The following MEI1 variants were observed in gnomAD, a reference collection of about 807,000 sequenced individuals.
MEI1 encodes the protein meiotic double-stranded break formation protein 1.
In MEI1, 103 loss-of-function variants were observed where a neutral mutation model predicts 146.2. The ratio of observed to expected loss-of-function variants is 0.70; its 90% CI spans 0.60 to 0.83. MEI1 has a LOEUF of 0.83. Ranked by LOEUF, MEI1 falls within the 40% of genes least tolerant of loss-of-function variation. The probability of loss-of-function intolerance (pLI) is 0.00; values close to 1 mark genes in which losing one functional copy is unlikely to be tolerated. For synonymous variants in MEI1, 652 were observed against 628.2 expected (o/e 1.04, Z -0.57); for missense variants, 1,529 against 1,533.0 (o/e 1.00, Z 0.04).
rs370164963 is a variant in MEI1, at chr22:41,795,895, G to A, written c.3779+48G>A. On this transcript the variant is annotated intron_variant, in intron 30 of 30. Coordinates refer to ENST00000401548, the MANE Select transcript of MEI1 (RefSeq NM_152513.4). The surrounding 1 kb of genome is among the most constrained non-coding windows in gnomAD (Gnocchi z 4.2). The stretch of plus-strand genomic sequence containing the variant: ...TGAAGGAGATGCCAAATCACTGGGT[G>A]TTTGGGGCTTCTCTTCCTGGGCCAG... 71 of 1,612,478 alleles carry A rather than the reference G, an allele frequency of 4.4e-5. No individual in the cohort carries two copies. Among genetic ancestry groups the A allele is most frequent in the Non-Finnish European group, 5.8e-5 (68 of 1,179,128 alleles).
chr22:41,797,011 T>A (rs2076386371), intron 30 of MEI1, among the ~76,000 whole-genome samples: 1 of 152,188 alleles, frequency 6.6e-6, no homozygotes, highest in African/African-American at 2.4e-5. Context: ...TTATTTATTT[T>A]TTTTAAGACA....
chr22:41,746,802 T>A (rs1370359278), intron 14 of MEI1, among the ~76,000 whole-genome samples: 1 of 152,096 alleles, frequency 6.6e-6, no homozygotes, highest in Non-Finnish European at 1.5e-5. Flanking sequence ...CTCTCTTCCT[T>A]GAAGAAGCCA....
chr22:41,751,515 C>T (rs1470019853), intron 15 of MEI1, among the ~76,000 whole-genome samples: 4 of 152,206 alleles, frequency 2.6e-5, no homozygotes, highest in African/African-American at 4.8e-5. Flanking sequence ...TGCAGTGGCT[C>T]ACGCCTGTAA....
In MEI1 at chr22:41,769,406, A is replaced by G. The variant is rs537565607; in HGVS notation, c.2269-1280A>G. Among the ~76,000 whole-genome samples the G allele has an allele frequency of 5.9e-5, 9 of 152,354 alleles. No homozygotes were observed. In the East Asian group the frequency reaches 1.7e-3, roughly 29 times the overall value. On this transcript the variant is annotated intron_variant, in intron 19 of 30. Coordinates refer to ENST00000401548, the MANE Select transcript of MEI1 (RefSeq NM_152513.4). ...CTCTTAACTCATATCATACACAAAAATGAACTCACAATGAGTGAAAGACCT... is the reference window on the plus strand; with the variant it reads ...CTCTTAACTCATATCATACACAAAAGTGAACTCACAATGAGTGAAAGACCT...
At position 41,741,997 on chromosome 22, in the gene MEI1, A is replaced by G. The variant is rs569881763; in HGVS notation, c.1332-1083A>G. Among the ~76,000 whole-genome samples the G allele has an allele frequency of 1.4e-3, 218 of 150,986 alleles. 1 individual carries two copies. The highest frequency in any genetic ancestry group is 5.2e-3 in the African/African-American group (214 of 41,190). ...GTTCTCAGGCTGGGTGCAGTGGCTC[A>G]TGCCTGTAATCCCACACTTTGGGAA... On this transcript the variant is annotated intron_variant, in intron 11 of 30. Coordinates refer to ENST00000401548, the MANE Select transcript of MEI1 (RefSeq NM_152513.4).
Position 41,770,802 on chromosome 22 carries a change from G to A in MEI1, c.2385G>A (p.Arg795=), listed in dbSNP as rs777647398. The A allele has an allele frequency of 9.9e-6, 16 of 1,613,958 alleles. No individual in the cohort carries two copies. The East Asian group carries it at 2.9e-4, about 29-fold the overall frequency. ...TGTTGTATCCAGAGCTCATGAGTAG[G>A]TATGGGCACCGTGTCCTGGAACTTT... ...FFLLYPELMS[R]YGHRVLELWF... is the part of the protein sequence containing the mutation. The change falls in exon 20 of 31, where the codon AGG becomes AGA. Residue 795 remains arginine, a synonymous_variant. Transcript: ENST00000401548.
chr22:41,769,508 T>G (rs2075047512), intron 19 of MEI1, among the ~76,000 whole-genome samples: 1 of 152,030 alleles, frequency 6.6e-6, no homozygotes, highest in Non-Finnish European at 1.5e-5. Context: ...GTTTCACTCT[T>G]GTTACCCAGG....
chr22:41,743,239 G>A (rs1358980989), intron 12 of MEI1, 45 bp downstream of exon 12: 5 of 1,407,146 alleles, frequency 3.6e-6, no homozygotes, highest in Non-Finnish European at 5.0e-6. Flanking sequence ...ATGCTGCAGT[G>A]TGTTTTTAGA....
Position 41,784,357 on chromosome 22 carries a change from G to A in MEI1, c.3106G>A (p.Val1036Met). ...CTGCCAGGTTCACCAGACACTCTCTGTGGAAATGGACCAAGTATTGAAGGC... is the reference window on the plus strand; with the variant it reads ...CTGCCAGGTTCACCAGACACTCTCTATGGAAATGGACCAAGTATTGAAGGC... ...GSLQVHQTLS[V>M]EMDQVLKALS... is the part of the protein sequence containing the mutation. Residue 1036 changes from valine to methionine, a missense_variant, in exon 25 of 31, where the codon GTG (valine) becomes ATG (methionine). Val to Met is a conservative substitution (Grantham distance 21). This residue lies in a region of MEI1 where 313 missense variants were observed against 337.3 expected (regional missense o/e 0.93). Transcript: ENST00000401548. 1 of 1,613,904 alleles carries A rather than the reference G, an allele frequency of 6.2e-7. No individual in the cohort carries two copies.
Position 41,754,038 on chromosome 22 carries a change from C to T in MEI1, c.1943C>T (p.Ser648Phe), listed in dbSNP as rs750144808. The change falls in exon 17 of 31, where the codon TCC becomes TTC. Residue 648 changes from serine (S) to phenylalanine (F), a missense_variant. Coordinates refer to ENST00000401548, the MANE Select transcript of MEI1 (RefSeq NM_152513.4). ...LSAPEKTGPPSKEELSAVSEL... is the reference protein window; with the variant it reads ...LSAPEKTGPPFKEELSAVSEL... ...GCTCCAGAGAAGACAGGACCACCTT[C>T]CAAAGAAGGTAAGATGCTACAATTT... 12 of 1,610,372 alleles carry T rather than the reference C, an allele frequency of 7.5e-6. No homozygotes were observed. The highest frequency in any genetic ancestry group is 2.2e-5 in the East Asian group (1 of 44,868).
chr22:41,768,507 G>A lies in MEI1; in HGVS notation c.2269-2179G>A, dbSNP rs148062761. On this transcript the variant is annotated intron_variant, in intron 19 of 30. Transcript: ENST00000401548. ...AAGGACTTTGTGTTAGTCAGTTCTC[G>A]CATTCTTATAAAGAACTACCAGAGA... Among the ~76,000 whole-genome samples the A allele has an allele frequency of 2.1e-3, 313 of 152,128 alleles. 1 individual carries two copies. The highest frequency in any genetic ancestry group is 5.9e-3 in the Admixed American group (90 of 15,234).
intron 26 of MEI1, among the ~76,000 whole-genome samples, chr22:41,790,595 TTTC>T (rs1178470695): frequency 6.6e-6 from 1 of 152,006 alleles, no homozygotes; most frequent in Non-Finnish European, 1.5e-5. Flanking sequence ...AACTTCTTTT[TTTC>T]TTTTTTTTTT....
chr22:41,758,292 T>C, intron 17 of MEI1, 73 bp from the exon 18 acceptor site: 1 of 1,404,740 alleles, frequency 7.1e-7, no homozygotes. Flanking sequence ...CTGCATGTAG[T>C]AGGTACTAAT....
chr22:41,715,898 A>G (rs979727924), intron 4 of MEI1, 143 bp from the exon 5 acceptor site: 4 of 606,666 alleles, frequency 6.6e-6, no homozygotes, highest in South Asian at 5.7e-5. Flanking sequence ...GGGGAGCTGG[A>G]CACTAAGCTA....
Position 41,743,446 on chromosome 22 carries a change from A to G in MEI1, c.1446+252A>G, listed in dbSNP as rs1036135016. Among the ~76,000 whole-genome samples the G allele has an allele frequency of 1.4e-4, 7 of 50,250 alleles. No individual in the cohort carries two copies. The East Asian group carries it at 6.9e-3, about 50-fold the overall frequency. 33.0% of individuals were successfully genotyped at this position (50,250 alleles called of 152,430 possible). A position where few individuals can be genotyped will look rare whatever the true frequency, so the allele number is the denominator to read the frequency against. ...TCTCTAAGGTCCAAAACTATAAAGT[A>G]CCTAAGCCTAGAACAGTAAATTCCA... is the stretch of plus-strand genomic sequence containing the variant. On this transcript the variant is annotated intron_variant, in intron 12 of 30. Coordinates refer to ENST00000401548, the MANE Select transcript of MEI1 (RefSeq NM_152513.4).
intron 1 of MEI1, among the ~76,000 whole-genome samples, chr22:41,699,929 G>A (rs912055238): frequency 3.9e-5 from 6 of 152,230 alleles, no homozygotes; most frequent in African/African-American, 1.4e-4. Context: ...CGTGGAGCCC[G>A]GTCCACTGGC....
chr22:41,768,570 A>G (rs1343880229), intron 19 of MEI1, among the ~76,000 whole-genome samples: 5 of 152,216 alleles, frequency 3.3e-5, no homozygotes, highest in Admixed American at 3.3e-4. Context: ...TATGTGACTC[A>G]CAGTTTCACA....
intron 11 of MEI1, among the ~76,000 whole-genome samples, chr22:41,742,214 C>T (rs1404567871): frequency 4.6e-5 from 7 of 152,124 alleles, no homozygotes; most frequent in Admixed American, 2.0e-4. Flanking sequence ...GAGCCAAGAT[C>T]ACACCACTGC....
At chr22:41,780,578 T>TTC (rs1569313679) in intron 22 of MEI1, among the ~76,000 whole-genome samples, 8 of 130,814 alleles carry the variant, frequency 6.1e-5, no homozygotes, top group Admixed American at 2.1e-4. Flanking sequence ...ATTTTTTTCT[T>TTC]TTCTTTTTTT....
Sources: allele counts gnomAD v4.1 joint callset (sites outside exome capture counted in the v4.1 genomes callset), GRCh38; gene constraint gnomAD v4.1.1; regional missense constraint gnomAD v4.1.1; non-coding constraint Gnocchi (gnomAD v3.1); transcripts MANE v1.5; gene names NCBI Gene and HGNC (gene_info 2026-07-23, HGNC 2026-07-21).